The following DTNB variants were observed in gnomAD, a reference collection of about 807,000 sequenced individuals.
DTNB encodes the protein dystrobrevin beta.
DTNB carries 63 observed loss-of-function variants against 90.7 expected under a neutral mutation model. That is an observed-to-expected ratio of 0.69 (90% confidence interval 0.57 to 0.86). The LOEUF is 0.86. DTNB is among the 40% of genes least tolerant of loss of function. The probability of loss-of-function intolerance (pLI) is 0.00; values close to 1 mark genes in which losing one functional copy is unlikely to be tolerated. For missense variants in DTNB, 744 were observed against 807.1 expected, an observed-to-expected ratio of 0.92 and a Z score of 0.95; for synonymous variants, 277 against 286.7, an observed-to-expected ratio of 0.97 and a Z score of 0.34.
intron 14 of DTNB, among the ~76,000 whole-genome samples, chr2:25,431,797 C>T (rs1206367709): frequency 6.8e-6 from 1 of 146,828 alleles, no homozygotes; most frequent in Non-Finnish European, 1.5e-5. Context: ...CATTTGTGTT[C>T]CCATCCTCCC....
Position 25,615,792 on chromosome 2 carries a change from G to A in DTNB, c.363-8471C>T, listed in dbSNP as rs368426573. 1.8e-4 allele frequency among the ~76,000 whole-genome samples: 27 copies of A among 152,220 alleles called. 1 individual carries two copies. The highest frequency in any genetic ancestry group is 4.8e-4 in the African/African-American group (20 of 41,538). The stretch of plus-strand genomic sequence containing the variant: ...ATTGAATTCACAAAAGGGTATTTCC[G>A]TAGAAATCAACAGGATCATTTCTTG... On this transcript the variant is annotated intron_variant, in intron 4 of 20. Coordinates refer to ENST00000406818, the MANE Select transcript of DTNB (RefSeq NM_021907.5).
chr2:25,390,461 T>G (rs2040791969), intron 16 of DTNB, among the ~76,000 whole-genome samples: 1 of 151,950 alleles, frequency 6.6e-6, no homozygotes, highest in African/African-American at 2.4e-5. Context: ...TTTTTTTTTT[T>G]GAGATGGAGT....
intron 9 of DTNB, among the ~76,000 whole-genome samples, chr2:25,494,945 A>C (rs917879268): frequency 3.2e-4 from 48 of 152,202 alleles, no homozygotes; most frequent in African/African-American, 1.1e-3. Context: ...CAAATCTACA[A>C]CAAAAAAATG....
intron 5 of DTNB, among the ~76,000 whole-genome samples, chr2:25,603,341 C>A (rs894855311): frequency 1.3e-5 from 2 of 152,068 alleles, no homozygotes; most frequent in Non-Finnish European, 1.5e-5. Flanking sequence ...TTTGATTGTG[C>A]TTTTAATTAA....
At chr2:25,652,752 C>T in intron 1 of DTNB, 91 bp from the exon 2 acceptor site, 2 of 1,365,746 alleles carry the variant, frequency 1.5e-6, no homozygotes, top group South Asian at 1.5e-5. Flanking sequence ...GACCGGAAAC[C>T]AAGTTGCAAA....
At chr2:25,428,426 T>C (rs916345963) in intron 14 of DTNB, among the ~76,000 whole-genome samples, 2 of 151,792 alleles carry the variant, frequency 1.3e-5, no homozygotes, top group Admixed American at 6.6e-5. Context: ...ATGTGATTAA[T>C]CCTGCTTTCT....
At position 25,442,053 on chromosome 2, in the gene DTNB, GC is replaced by G. The variant is rs1232672992; in HGVS notation, c.1258-8059del. ...GTTCAGATTTTTGAACTTTTAATAAGCCCAGAGATTTGGCTCATATTTGGCA... is the reference window on the plus strand; with the variant it reads ...GTTCAGATTTTTGAACTTTTAATAAGCCAGAGATTTGGCTCATATTTGGCA... On this transcript the variant is annotated intron_variant, in intron 12 of 20. Coordinates refer to ENST00000406818, the MANE Select transcript of DTNB (RefSeq NM_021907.5). Among the ~76,000 whole-genome samples, 15 of 152,010 alleles carry G rather than the reference GC, an allele frequency of 9.9e-5. No individual in the cohort carries two copies. In the South Asian group the frequency reaches 3.1e-3, roughly 32 times the overall value.
intron 10 of DTNB, among the ~76,000 whole-genome samples, chr2:25,473,575 G>T (rs1489311574): frequency 6.6e-6 from 1 of 152,178 alleles, no homozygotes; most frequent in East Asian, 1.9e-4. Flanking sequence ...AGAGAGAAAA[G>T]GGGTGTGTGC....
chr2:25,656,686 CCT>C (rs763612771), intron 1 of DTNB, among the ~76,000 whole-genome samples: 6 of 152,198 alleles, frequency 3.9e-5, no homozygotes, highest in Admixed American at 2.6e-4. Context: ...ACTCTCCACC[CCT>C]GTCTTCCTAT....
chr2:25,434,933 G>A (rs1440702191), intron 12 of DTNB, among the ~76,000 whole-genome samples: 1 of 151,668 alleles, frequency 6.6e-6, no homozygotes, highest in Non-Finnish European at 1.5e-5. Context: ...CATCCTAGTA[G>A]GTATCAAGTT....
intron 8 of DTNB, among the ~76,000 whole-genome samples, chr2:25,567,075 G>T (rs2059153086): frequency 6.6e-6 from 1 of 152,162 alleles, no homozygotes; most frequent in Non-Finnish European, 1.5e-5. Context: ...TAAAGGACTT[G>T]ATTTTGTATA....
chr2:25,500,164 G>A (rs569930512), intron 9 of DTNB, among the ~76,000 whole-genome samples: 2 of 152,258 alleles, frequency 1.3e-5, no homozygotes, highest in South Asian at 2.1e-4. Context: ...GCCTCCCAAA[G>A]TGCTGGTACT....
intron 1 of DTNB, among the ~76,000 whole-genome samples, chr2:25,665,231 C>G (rs1295516314): frequency 2.6e-5 from 4 of 152,204 alleles, no homozygotes; most frequent in African/African-American, 7.2e-5. Flanking sequence ...CCTGCCAGCT[C>G]TCAGCTACGT....
intron 10 of DTNB, among the ~76,000 whole-genome samples, chr2:25,474,933 A>C (rs1471726906): frequency 6.6e-6 from 1 of 152,198 alleles, no homozygotes. Context: ...TGCCCACATA[A>C]GATAGCCAAC....
rs2086612959 is a variant in DTNB at position 25,673,512 on chromosome 2, C to G, written c.-128G>C. 6.6e-6 allele frequency: 1 copy of G among 150,408 alleles called. No homozygotes were observed. The highest frequency in any genetic ancestry group is 2.4e-5 in the African/African-American group (1 of 41,262). 9.3% of individuals were successfully genotyped at this position (150,408 alleles called of 1,614,324 possible). A position where few individuals can be genotyped will look rare whatever the true frequency, so the allele number is the denominator to read the frequency against. The stretch of plus-strand genomic sequence containing the variant: ...GCGCCTACTCAGGCCCCGGAGCCAC[C>G]CCCGCGGCGAACGTTCGCAGCGCCC... On this transcript the variant is annotated 5_prime_UTR_variant, in exon 1 of 21. Coordinates refer to ENST00000406818, the MANE Select transcript of DTNB (RefSeq NM_021907.5).
intron 5 of DTNB, among the ~76,000 whole-genome samples, chr2:25,606,828 C>G (rs992283241): frequency 1.3e-5 from 2 of 152,092 alleles, no homozygotes; most frequent in African/African-American, 4.8e-5. Flanking sequence ...AATGTAATCA[C>G]AGCAAACATC....
At chr2:25,399,012 G>C (rs979901192) in intron 16 of DTNB, among the ~76,000 whole-genome samples, 1 of 152,156 alleles carries the variant, frequency 6.6e-6, no homozygotes, top group African/African-American at 2.4e-5. Context: ...TGCTGGAGCA[G>C]GTAGTAATCT....
chr2:25,497,102 G>C (rs1255910557), intron 9 of DTNB, among the ~76,000 whole-genome samples: 1 of 152,172 alleles, frequency 6.6e-6, no homozygotes, highest in Non-Finnish European at 1.5e-5. Context: ...ACATGACGAA[G>C]GGTCTTCTCT....
At chr2:25,617,853 G>T (rs2071227388) in intron 4 of DTNB, among the ~76,000 whole-genome samples, 1 of 152,076 alleles carries the variant, frequency 6.6e-6, no homozygotes, top group Non-Finnish European at 1.5e-5. Context: ...TCTTTGGCAT[G>T]GGCAACAGAG....
Sources: gnomAD v4.1 joint callset for allele counts (sites outside exome capture counted in the v4.1 genomes callset) on GRCh38, gnomAD v4.1.1 for gene constraint, MANE v1.5 for transcripts, NCBI Gene and HGNC (gene_info 2026-07-23, HGNC 2026-07-21) for gene names.